Variants in PCYOX1 observed in about 807,000 individuals in gnomAD.
The protein encoded by PCYOX1 is prenylcysteine lyase.
A neutral mutation model predicts 46.4 loss-of-function variants in PCYOX1; 46 were observed. That is an observed-to-expected ratio of 0.99 (90% confidence interval 0.78 to 1.27). The LOEUF (loss-of-function observed/expected upper bound fraction) is 1.27, where lower values mean the gene tolerates loss of function less well. Among genes scored for constraint, PCYOX1 ranks in the 50% most tolerant of loss-of-function variants. PCYOX1 has a pLI of 0.00. For missense variants in PCYOX1, 658 were observed against 628.3 expected, an observed-to-expected ratio of 1.05 and a Z score of -0.51; for synonymous variants, 220 against 231.8, an observed-to-expected ratio of 0.95 and a Z score of 0.46.
chr2:70,270,775 T>A (rs1193939705), intron 3 of PCYOX1, among the ~76,000 whole-genome samples: 1 of 152,180 alleles, frequency 6.6e-6, no homozygotes, highest in Non-Finnish European at 1.5e-5. Flanking sequence ...TTTTCTCCTT[T>A]TTTTTTTCTT....
At chr2:70,273,147 T>C (rs758506912) in intron 3 of PCYOX1, among the ~76,000 whole-genome samples, 11 of 152,000 alleles carry the variant, frequency 7.2e-5, no homozygotes, top group Non-Finnish European at 1.2e-4. Flanking sequence ...GCAGGAGCAG[T>C]TGGGGAATAT....
intron 2 of PCYOX1, among the ~76,000 whole-genome samples, chr2:70,260,559 A>C (rs1387466529): frequency 6.6e-6 from 1 of 152,184 alleles, no homozygotes. Context: ...CACCACCAAC[A>C]AAACAAACTC....
In PCYOX1 at chr2:70,258,283, G is replaced by C; in HGVS notation, c.112+7G>C. 6.4e-7 allele frequency: 1 copy of C among 1,567,878 alleles called. No individual in the cohort carries two copies. The highest frequency in any genetic ancestry group is 8.6e-7 in the Non-Finnish European group (1 of 1,161,606). On this transcript the variant is annotated splice_region_variant and intron_variant, in intron 1 of 5. Coordinates refer to ENST00000433351, the MANE Select transcript of PCYOX1 (RefSeq NM_016297.4). ...GCTCCGCCAGATAAAATCGGTAGGCGAGAAGGGGGCGGCGCGGGAAGGTGC... is the reference window on the plus strand; with the variant it reads ...GCTCCGCCAGATAAAATCGGTAGGCCAGAAGGGGGCGGCGCGGGAAGGTGC...
intron 3 of PCYOX1, among the ~76,000 whole-genome samples, chr2:70,266,248 GGT>G (rs1696520219): frequency 6.6e-6 from 1 of 152,016 alleles, no homozygotes; most frequent in South Asian, 2.1e-4. Context: ...GATCAGGGTA[GGT>G]AGTAGGAGAT....
rs1559038677 is a variant in PCYOX1, at chr2:70,277,861, T to C, written c.*469T>C. ...GCGCGCTGGATTTTGATCAAAATTGTAGAGCATTTTAAGGTGAGTACCTGA... is the reference window on the plus strand; with the variant it reads ...GCGCGCTGGATTTTGATCAAAATTGCAGAGCATTTTAAGGTGAGTACCTGA... On this transcript the variant is annotated 3_prime_UTR_variant, in exon 6 of 6. Transcript: ENST00000433351. 6.5e-6 allele frequency: 1 copy of C among 154,004 alleles called. No homozygotes were observed. Among genetic ancestry groups the C allele is most frequent in the East Asian group, 1.9e-4 (1 of 5,234 alleles). The allele number at this position is 154,004 out of a possible 1,614,324, so 9.5% of individuals were successfully genotyped here.
intron 5 of PCYOX1, among the ~76,000 whole-genome samples, 198 bp from the exon 6 acceptor site, chr2:70,276,536 T>A (rs1696674769): frequency 6.6e-6 from 1 of 152,132 alleles, no homozygotes; most frequent in Admixed American, 6.6e-5. Flanking sequence ...AAAGTAAAAA[T>A]TCTGTATTTT....
chr2:70,264,779 G>A (rs1299859283), intron 3 of PCYOX1, among the ~76,000 whole-genome samples: 1 of 151,788 alleles, frequency 6.6e-6, no homozygotes, highest in Non-Finnish European at 1.5e-5. Context: ...ACTTTGGGAG[G>A]CCAAGGCAGA....
rs397871875 is a variant in PCYOX1, at chr2:70,265,198, A to AT, written c.494+3834dup. On this transcript the variant is annotated intron_variant, in intron 3 of 5. Coordinates refer to ENST00000433351, the MANE Select transcript of PCYOX1 (RefSeq NM_016297.4). ...TCTGGTTGGATGCCATTCTTAACTA[A>AT]TTTTTTTTTTTTTTTTTTTTTTGAG... 2.3e-3 allele frequency among the ~76,000 whole-genome samples: 242 copies of AT among 104,072 alleles called. 4 individuals are homozygous for AT. Among genetic ancestry groups the AT allele is most frequent in the East Asian group, 5.5e-3 (21 of 3,790 alleles). The allele number at this position is 104,072 out of a possible 152,430, so 68.3% of individuals were successfully genotyped here. A position where few individuals can be genotyped will look rare whatever the true frequency, so the allele number is the denominator to read the frequency against.
intron 3 of PCYOX1, among the ~76,000 whole-genome samples, chr2:70,264,743 C>T (rs1049724774): frequency 3.3e-5 from 5 of 151,584 alleles, no homozygotes; most frequent in African/African-American, 7.3e-5. Flanking sequence ...GGGCCGGGCG[C>T]GGTGGCACAC....
Position 70,277,218 on chromosome 2 carries a change from C to G in PCYOX1, c.1344C>G (p.Ile448Met), listed in dbSNP as rs1696684918. 6.2e-7 allele frequency: 1 copy of G among 1,613,996 alleles called. No individual in the cohort carries two copies. Among genetic ancestry groups the G allele is most frequent in the Non-Finnish European group, 8.5e-7 (1 of 1,180,030 alleles). ...HYKPPEKCPSIILHDRLYYLN... is the reference protein window; with the variant it reads ...HYKPPEKCPSMILHDRLYYLN... ...AGCCCCCGGAGAAATGCCCCTCTATCATTCTCCATGATCGACTTTATTACC... is the reference window on the plus strand; with the variant it reads ...AGCCCCCGGAGAAATGCCCCTCTATGATTCTCCATGATCGACTTTATTACC... Residue 448 changes from isoleucine to methionine, a missense_variant, in exon 6 of 6, where the codon ATC (isoleucine) becomes ATG (methionine). Coordinates refer to ENST00000433351, the MANE Select transcript of PCYOX1 (RefSeq NM_016297.4).
chr2:70,274,995 T>C lies in PCYOX1; in HGVS notation c.531T>C (p.Ser177=). 1 of 1,612,472 alleles carries C rather than the reference T, an allele frequency of 6.2e-7. No individual in the cohort carries two copies. The highest frequency in any genetic ancestry group is 2.2e-5 in the East Asian group (1 of 44,884). ...ACCAGTCTCATGACTATGCCTTCAG[T>C]AGTGTCGAAAAATTACTTCATGCTC... The part of the protein sequence containing the change: ...YRYQSHDYAF[S]SVEKLLHALG... The change falls in exon 4 of 6, where the codon AGT becomes AGC. Residue 177 remains serine, a synonymous_variant. Transcript: ENST00000433351.
rs933392442 is a variant in PCYOX1, at chr2:70,280,424, C to T, written c.*3032C>T. Reference sequence around the variant, plus strand: ...TGCAGGGGCTGAATGAAAGCCAGCTCTGCTCCAGTGGCTCTCTGAGTTGAG... The same window carrying T: ...TGCAGGGGCTGAATGAAAGCCAGCTTTGCTCCAGTGGCTCTCTGAGTTGAG... On this transcript the variant is annotated 3_prime_UTR_variant, in exon 6 of 6. Coordinates refer to ENST00000433351, the MANE Select transcript of PCYOX1 (RefSeq NM_016297.4). The T allele has an allele frequency of 1.3e-5, 2 of 152,132 alleles. No individual in the cohort carries two copies. Among genetic ancestry groups the T allele is most frequent in the Admixed American group, 6.5e-5 (1 of 15,272 alleles). 9.4% of individuals were successfully genotyped at this position (152,132 alleles called of 1,614,324 possible).
In PCYOX1 at chr2:70,274,922, T is replaced by C. The variant is rs765352387; in HGVS notation, c.495-37T>C. 13 of 1,244,264 alleles carry C rather than the reference T, an allele frequency of 1.0e-5. No individual in the cohort carries two copies. The South Asian group carries it at 1.6e-4, about 15-fold the overall frequency. The allele number at this position is 1,244,264 out of a possible 1,614,324, so 77.1% of individuals were successfully genotyped here. ...TTTATACATCCCCTTCCCCACATCT[T>C]GTTTGGTATTTAATGGATTTCTCTT... On this transcript the variant is annotated intron_variant, in intron 3 of 5. Transcript: ENST00000433351.
intron 3 of PCYOX1, among the ~76,000 whole-genome samples, chr2:70,271,351 C>T (rs1014736497): frequency 1.2e-4 from 18 of 149,656 alleles, no homozygotes; most frequent in Middle Eastern, 3.4e-3. Flanking sequence ...ATAGCTACTG[C>T]GCTCCAAAAT....
upstream of PCYOX1, chr2:70,258,028 G>A: frequency 1.7e-6 from 1 of 586,834 alleles, no homozygotes; most frequent in Non-Finnish European, 2.7e-6. Flanking sequence ...GGGCGAGGTC[G>A]GGGCGGGGCT....
At chr2:70,263,140 A>G (rs560961017) in intron 3 of PCYOX1, among the ~76,000 whole-genome samples, 19 of 151,940 alleles carry the variant, frequency 1.3e-4, no homozygotes, top group African/African-American at 3.6e-4. Context: ...AGCCTGAGGC[A>G]GGAGAATCAC....
chr2:70,275,623 C>G lies in PCYOX1; in HGVS notation c.816C>G (p.Gly272=), dbSNP rs1302023453. ...LQASKSNLIS[G]SVMYIEEKTK... ...CATCCAAAAGCAATCTTATATCTGGCTCAGTAATGTACATCGAGGAGAAAA... is the reference window on the plus strand; with the variant it reads ...CATCCAAAAGCAATCTTATATCTGGGTCAGTAATGTACATCGAGGAGAAAA... The change falls in exon 5 of 6, where the codon GGC becomes GGG. Residue 272 remains glycine (G), a synonymous_variant. Coordinates refer to ENST00000433351, the MANE Select transcript of PCYOX1 (RefSeq NM_016297.4). The G allele has an allele frequency of 6.2e-7, 1 of 1,613,968 alleles. No individual in the cohort carries two copies. The highest frequency in any genetic ancestry group is 1.7e-5 in the Admixed American group (1 of 59,990).
intron 5 of PCYOX1, 125 bp from the exon 6 acceptor site, chr2:70,276,609 A>T: frequency 1.6e-6 from 1 of 628,446 alleles, no homozygotes; most frequent in Non-Finnish European, 2.8e-6. Flanking sequence ...AGGGACAACT[A>T]TCTTAAGGGA....
At position 70,277,252 on chromosome 2, in the gene PCYOX1, A is replaced by G. The variant is rs1696685440; in HGVS notation, c.1378A>G (p.Ile460Val). ...TGATCGACTTTATTACCTCAATGGC[A>G]TAGAGTGTGCAGCAAGTGCCATGGA... is the stretch of plus-strand genomic sequence containing the variant. The part of the protein sequence containing the change: ...LHDRLYYLNG[I>V]ECAASAMEMS... Residue 460 changes from isoleucine to valine, a missense_variant, in exon 6 of 6, where the codon ATA becomes GTA. Coordinates refer to ENST00000433351, the MANE Select transcript of PCYOX1 (RefSeq NM_016297.4). 2 of 1,614,176 alleles carry G rather than the reference A, an allele frequency of 1.2e-6. No homozygotes were observed. The highest frequency in any genetic ancestry group is 1.7e-6 in the Non-Finnish European group (2 of 1,180,038).
Sources: gnomAD v4.1 joint callset for allele counts (sites outside exome capture counted in the v4.1 genomes callset) on GRCh38, gnomAD v4.1.1 for gene constraint, MANE v1.5 for transcripts, NCBI Gene and HGNC (gene_info 2026-07-23, HGNC 2026-07-21) for gene names.